The following OR5P2 variants were observed in gnomAD, a reference collection of about 807,000 sequenced individuals.
OR5P2 encodes olfactory receptor family 5 subfamily P member 2, also known as olfactory receptor 5P2.
For synonymous variants in OR5P2, 165 were observed against 145.6 expected, an observed-to-expected ratio of 1.13 and a Z score of -0.96; for missense variants, 455 against 382.3, an observed-to-expected ratio of 1.19 and a Z score of -1.59.
rs530518206 is a variant in OR5P2 at position 7,796,069 on chromosome 11, C to T, written c.874G>A (p.Glu292Lys). 277 of 1,605,210 alleles carry T rather than the reference C, an allele frequency of 1.7e-4. 17 individuals carry two copies. In the South Asian group the frequency reaches 2.9e-3, roughly 17 times the overall value. The change falls in exon 1 of 1, where the codon GAG becomes AAG. Residue 292 changes from glutamate to lysine, a missense_variant. Transcript: ENST00000329434. The stretch of plus-strand genomic sequence containing the variant: ...TCTCTCTTCAGAGCCCCCTTAATCT[C>T]CTTGTTCCTGAGGCTGTAGATCAGG... ...NPLIYSLRNKEIKGALKRELV... is the reference protein window; with the variant it reads ...NPLIYSLRNKKIKGALKRELV...
In OR5P2 at chr11:7,796,385, A is replaced by G. The variant is rs761121180; in HGVS notation, c.558T>C (p.Ser186=). ...GAACAACTGTGGAGACACTGATATC[A>G]GAACAGGAGAGTTCAAGTAAGGGAG... The part of the protein sequence containing the change: ...DFAPLLELSC[S]DISVSTVVLS... Residue 186 remains serine, a synonymous_variant, in exon 1 of 1, where the codon TCT becomes TCC. Transcript: ENST00000329434. The G allele has an allele frequency of 6.2e-7, 1 of 1,604,874 alleles. No individual in the cohort carries two copies.
rs1463497364 is a variant in OR5P2, at chr11:7,796,595, A to G, written c.348T>C (p.Tyr116=). The G allele has an allele frequency of 6.2e-7, 1 of 1,605,588 alleles. No homozygotes were observed. Among genetic ancestry groups the G allele is most frequent in the Admixed American group, 1.7e-5 (1 of 59,808 alleles). Residue 116 remains tyrosine, a synonymous_variant, in exon 1 of 1, where the codon TAT becomes TAC. Transcript: ENST00000329434. The part of the protein sequence containing the change: ...VECVLLAAMA[Y]DRFVAICSPL... ...GACTGCAAATTGCCACAAAGCGGTC[A>G]TAGGCCATGGCAGCCAGAAGGACGC...
In OR5P2 at chr11:7,796,552, T is replaced by C. The variant is rs762168210; in HGVS notation, c.391A>G (p.Lys131Glu). The change falls in exon 1 of 1, where the codon AAA becomes GAA. Residue 131 changes from lysine to glutamate, a missense_variant. Coordinates refer to ENST00000329434, the MANE Select transcript of OR5P2 (RefSeq NM_153444.1). ...TGGACACTGACTTGTGTGGACATTT[T>C]GGTTGAATAAAGCAGTGGACTGCAA... ...AICSPLLYST[K>E]MSTQVSVQLL... 16 of 1,605,654 alleles carry C rather than the reference T, an allele frequency of 1.0e-5. 1 individual carries two copies. The East Asian group carries it at 2.5e-4, about 25-fold the overall frequency.
chr11:7,796,855 G>A lies in OR5P2; in HGVS notation c.88C>T (p.Leu30Phe). The A allele has an allele frequency of 1.8e-6, 2 of 1,096,556 alleles. No individual in the cohort carries two copies. Among genetic ancestry groups the A allele is most frequent in the Non-Finnish European group, 2.6e-6 (2 of 783,724 alleles). The allele number at this position is 1,096,556 out of a possible 1,614,324, so 67.9% of individuals were successfully genotyped here. A position where few individuals can be genotyped will look rare whatever the true frequency, so the allele number is the denominator to read the frequency against. ...TTACCAGATAGGATGATCATGAAGA[G>A]GATGACTCGAAGGATTGGATCATCT... Reference protein sequence around the residue: ...LTDDPILRVILFMIILSGNLS... With the variant: ...LTDDPILRVIFFMIILSGNLS... The change falls in exon 1 of 1, where the codon CTC (leucine) becomes TTC (phenylalanine). Residue 30 changes from leucine to phenylalanine, a missense_variant. Transcript: ENST00000329434.
At position 7,796,438 on chromosome 11, in the gene OR5P2, G is replaced by C. The variant is rs772348115; in HGVS notation, c.505C>G (p.Gln169Glu). The change falls in exon 1 of 1, where the codon CAA becomes GAA. Residue 169 changes from glutamine to glutamate, a missense_variant. Transcript: ENST00000329434. ...FYFLLFCGPN[Q>E]VNHFFCDFAP... ...AAATCACAGAAAAAATGATTGACTT[G>C]ATTTGGTCCACAGAAGAGTAAAAAA... The C allele has an allele frequency of 6.2e-7, 1 of 1,604,960 alleles. No individual in the cohort carries two copies. Among genetic ancestry groups the C allele is most frequent in the South Asian group, 1.1e-5 (1 of 90,352 alleles).
rs1444934904 is a variant in OR5P2 at position 7,796,135 on chromosome 11, C to T, written c.808G>A (p.Val270Met). 1.2e-6 allele frequency: 2 copies of T among 1,605,406 alleles called. No individual in the cohort carries two copies. Among genetic ancestry groups the T allele is most frequent in the Non-Finnish European group, 1.7e-6 (2 of 1,178,696 alleles). The change falls in exon 1 of 1, where the codon GTG becomes ATG. Residue 270 changes from valine (V) to methionine (M), a missense_variant. Transcript: ENST00000329434. Reference protein sequence around the residue: ...FSYSTDQNKVVSVLYTVVIPM... With the variant: ...FSYSTDQNKVMSVLYTVVIPM... ...ATCACCACTGTGTACAACACAGACA[C>T]CACCTTGTTCTGGTCAGTTGAGTAG...
At position 7,796,800 on chromosome 11, in the gene OR5P2, G is replaced by A. The variant is rs1589916985; in HGVS notation, c.143C>T (p.Ser48Phe). 6.3e-7 allele frequency: 1 copy of A among 1,590,296 alleles called. No homozygotes were observed. The highest frequency in any genetic ancestry group is 8.5e-7 in the Non-Finnish European group (1 of 1,170,876). ...NLSIIILIRISSQLHHPMYFF... is the reference protein window; with the variant it reads ...NLSIIILIRIFSQLHHPMYFF... ...ATACATAGGATGATGGAGCTGAGAA[G>A]AAATTCTGATAAGAATAATTATGCT... Residue 48 changes from serine (S) to phenylalanine (F), a missense_variant, in exon 1 of 1, where the codon TCT (serine) becomes TTT (phenylalanine). Physicochemically the swap from Ser to Phe is radical, Grantham distance 155. Transcript: ENST00000329434.
rs1302927076 is a variant in OR5P2, at chr11:7,796,152, G to A, written c.791C>T (p.Thr264Ile). 2 of 1,605,312 alleles carry A rather than the reference G, an allele frequency of 1.2e-6. No homozygotes were observed. Among genetic ancestry groups the A allele is most frequent in the Non-Finnish European group, 1.7e-6 (2 of 1,178,680 alleles). ...IYVMPNFSYS[T>I]DQNKVVSVLY... ...CACAGACACCACCTTGTTCTGGTCA[G>A]TTGAGTAGCTAAAATTGGGCATCAC... Residue 264 changes from threonine to isoleucine, a missense_variant, in exon 1 of 1, where the codon ACT (threonine) becomes ATT (isoleucine). Transcript: ENST00000329434.
At position 7,796,448 on chromosome 11, in the gene OR5P2, A is replaced by G. The variant is rs747884202; in HGVS notation, c.495T>C (p.Cys165=). The change falls in exon 1 of 1, where the codon TGT becomes TGC. Residue 165 remains cysteine, a synonymous_variant. Coordinates refer to ENST00000329434, the MANE Select transcript of OR5P2 (RefSeq NM_153444.1). The stretch of plus-strand genomic sequence containing the variant: ...AAAAATGATTGACTTGATTTGGTCC[A>G]CAGAAGAGTAAAAAATAGAAGGAAG... ...YTTSFYFLLF[C]GPNQVNHFFC... 3 of 1,605,270 alleles carry G rather than the reference A, an allele frequency of 1.9e-6. No homozygotes were observed. The highest frequency in any genetic ancestry group is 2.5e-6 in the Non-Finnish European group (3 of 1,178,612).
rs1857352551 is a variant in OR5P2 at position 7,796,362 on chromosome 11, A to G, written c.581T>C (p.Val194Ala). The G allele has an allele frequency of 6.2e-7, 1 of 1,605,002 alleles. No homozygotes were observed. The highest frequency in any genetic ancestry group is 8.5e-7 in the Non-Finnish European group (1 of 1,178,552). The change falls in exon 1 of 1, where the codon GTT becomes GCT. Residue 194 changes from valine to alanine, a missense_variant. Val to Ala is a moderately conservative substitution (Grantham distance 64). Transcript: ENST00000329434. ...GATGGATCCAGAAGAAAATGAGAGA[A>G]CAACTGTGGAGACACTGATATCAGA... ...SCSDISVSTV[V>A]LSFSSGSIIV...
In OR5P2 at chr11:7,796,326, G is replaced by A. The variant is rs1424235174; in HGVS notation, c.617C>T (p.Thr206Ile). The stretch of plus-strand genomic sequence containing the variant: ...GTAGCAGACGGCTATGACACACACA[G>A]TGACCACAATGATGGATCCAGAAGA... ...SFSSGSIIVV[T>I]VCVIAVCYIY... The change falls in exon 1 of 1, where the codon ACT becomes ATT. Residue 206 changes from threonine to isoleucine, a missense_variant. Physicochemically the swap from Thr to Ile is moderately conservative, Grantham distance 89. Coordinates refer to ENST00000329434, the MANE Select transcript of OR5P2 (RefSeq NM_153444.1). 1 of 1,605,252 alleles carries A rather than the reference G, an allele frequency of 6.2e-7. No homozygotes were observed. The highest frequency in any genetic ancestry group is 1.1e-5 in the South Asian group (1 of 90,364).
Position 7,796,222 on chromosome 11 carries a change from G to T in OR5P2, c.721C>A (p.Leu241Ile). Residue 241 changes from leucine (L) to isoleucine (I), a missense_variant, in exon 1 of 1, where the codon CTC becomes ATC. Coordinates refer to ENST00000329434, the MANE Select transcript of OR5P2 (RefSeq NM_153444.1). Reference sequence around the variant, plus strand: ...CCATAGAACAGGGTAACCACAGTGAGGTGGGAAGTGCAGGTGGAGAAGGCC... The same window carrying T: ...CCATAGAACAGGGTAACCACAGTGATGTGGGAAGTGCAGGTGGAGAAGGCC... ...HKAFSTCTSHLTVVTLFYGTI... is the reference protein window; with the variant it reads ...HKAFSTCTSHITVVTLFYGTI... 6.2e-7 allele frequency: 1 copy of T among 1,605,118 alleles called. No homozygotes were observed. The highest frequency in any genetic ancestry group is 8.5e-7 in the Non-Finnish European group (1 of 1,178,746).
In OR5P2 at chr11:7,796,441, T is replaced by C. The variant is rs142814499; in HGVS notation, c.502A>G (p.Asn168Asp). Reference protein sequence around the residue: ...SFYFLLFCGPNQVNHFFCDFA... With the variant: ...SFYFLLFCGPDQVNHFFCDFA... ...TCACAGAAAAAATGATTGACTTGAT[T>C]TGGTCCACAGAAGAGTAAAAAATAG... The change falls in exon 1 of 1, where the codon AAT (asparagine) becomes GAT (aspartate). Residue 168 changes from asparagine (N) to aspartate (D), a missense_variant. By Grantham distance (23) the Asn-to-Asp change is conservative. Transcript: ENST00000329434. The C allele has an allele frequency of 5.1e-4, 825 of 1,604,754 alleles. 69 individuals are homozygous for C. In the South Asian group the frequency reaches 8.5e-3, roughly 16 times the overall value.
In OR5P2 at chr11:7,796,094, G is replaced by T; in HGVS notation, c.849C>A (p.Pro283=). ...LYTVVIPMLN[P]LIYSLRNKEI... ...CCTTGTTCCTGAGGCTGTAGATCAG[G>T]GGGTTCAACATGGGAATCACCACTG... is the stretch of plus-strand genomic sequence containing the variant. The change falls in exon 1 of 1, where the codon CCC becomes CCA. Residue 283 remains proline (P), a synonymous_variant. Transcript: ENST00000329434. 1 of 1,605,370 alleles carries T rather than the reference G, an allele frequency of 6.2e-7. No individual in the cohort carries two copies. The highest frequency in any genetic ancestry group is 2.3e-5 in the East Asian group (1 of 44,354).
rs142814499 is a variant in OR5P2, at chr11:7,796,441, T to G, written c.502A>C (p.Asn168His). The G allele has an allele frequency of 1.9e-6, 3 of 1,604,650 alleles. No individual in the cohort carries two copies. The highest frequency in any genetic ancestry group is 2.5e-6 in the Non-Finnish European group (3 of 1,178,522). ...SFYFLLFCGPNQVNHFFCDFA... is the reference protein window; with the variant it reads ...SFYFLLFCGPHQVNHFFCDFA... Reference sequence around the variant, plus strand: ...TCACAGAAAAAATGATTGACTTGATTTGGTCCACAGAAGAGTAAAAAATAG... The same window carrying G: ...TCACAGAAAAAATGATTGACTTGATGTGGTCCACAGAAGAGTAAAAAATAG... The change falls in exon 1 of 1, where the codon AAT becomes CAT. Residue 168 changes from asparagine (N) to histidine (H), a missense_variant. Physicochemically the swap from Asn to His is moderately conservative, Grantham distance 68. Coordinates refer to ENST00000329434, the MANE Select transcript of OR5P2 (RefSeq NM_153444.1).
rs946592159 is a variant in OR5P2 at position 7,796,200 on chromosome 11, T to A, written c.743A>T (p.Tyr248Phe). 6.2e-7 allele frequency: 1 copy of A among 1,604,858 alleles called. No homozygotes were observed. Among genetic ancestry groups the A allele is most frequent in the Admixed American group, 1.7e-5 (1 of 59,770 alleles). Residue 248 changes from tyrosine to phenylalanine, a missense_variant, in exon 1 of 1, where the codon TAT (tyrosine) becomes TTT (phenylalanine). By Grantham distance (22) the Tyr-to-Phe change is conservative (BLOSUM62 3). Transcript: ENST00000329434. Reference protein sequence around the residue: ...TSHLTVVTLFYGTITFIYVMP... With the variant: ...TSHLTVVTLFFGTITFIYVMP... Reference sequence around the variant, plus strand: ...CACATAAATGAAGGTAATGGTCCCATAGAACAGGGTAACCACAGTGAGGTG... The same window carrying A: ...CACATAAATGAAGGTAATGGTCCCAAAGAACAGGGTAACCACAGTGAGGTG...
chr11:7,796,642 C>T lies in OR5P2; in HGVS notation c.301G>A (p.Ala101Thr), dbSNP rs776608807. ...LGCAIQLGSA[A>T]FFATVECVLL... The stretch of plus-strand genomic sequence containing the variant: ...ACGCATTCGACTGTTGCAAAGAAAG[C>T]CGCTGAACCAAGCTGGATGGCACAT... The change falls in exon 1 of 1, where the codon GCT (alanine) becomes ACT (threonine). Residue 101 changes from alanine to threonine, a missense_variant. By Grantham distance (58) the Ala-to-Thr change is moderately conservative. Coordinates refer to ENST00000329434, the MANE Select transcript of OR5P2 (RefSeq NM_153444.1). 1 of 1,605,222 alleles carries T rather than the reference C, an allele frequency of 6.2e-7. No individual in the cohort carries two copies. Among genetic ancestry groups the T allele is most frequent in the Non-Finnish European group, 8.5e-7 (1 of 1,178,596 alleles).
rs1343113991 is a variant in OR5P2 at position 7,796,683 on chromosome 11, G to C, written c.260C>G (p.Thr87Arg). The change falls in exon 1 of 1, where the codon ACA (threonine) becomes AGA (arginine). Residue 87 changes from threonine to arginine, a missense_variant. Transcript: ENST00000329434. ...MLVNFLVERN[T>R]VSYLGCAIQL... ...GATGGCACATCCAAGGTAGGAGACT[G>C]TATTTCTCTCCACCAGGAAGTTTAC... 6.2e-7 allele frequency: 1 copy of C among 1,605,592 alleles called. No homozygotes were observed. Among genetic ancestry groups the C allele is most frequent in the Non-Finnish European group, 8.5e-7 (1 of 1,178,732 alleles).
At position 7,796,755 on chromosome 11, in the gene OR5P2, G is replaced by A. The variant is rs1214847293; in HGVS notation, c.188C>T (p.Ala63Val). The change falls in exon 1 of 1, where the codon GCT becomes GTT. Residue 63 changes from alanine (A) to valine (V), a missense_variant. Ala to Val is a moderately conservative substitution (Grantham distance 64). Coordinates refer to ENST00000329434, the MANE Select transcript of OR5P2 (RefSeq NM_153444.1). The stretch of plus-strand genomic sequence containing the variant: ...AGATGAATAGGCCATGTCAGCAAAA[G>A]CCAAGTGGCTCAGAAAGAAATACAT... Reference protein sequence around the residue: ...HPMYFFLSHLAFADMAYSSSV... With the variant: ...HPMYFFLSHLVFADMAYSSSV... 2 of 1,604,170 alleles carry A rather than the reference G, an allele frequency of 1.2e-6. No homozygotes were observed. The highest frequency in any genetic ancestry group is 3.3e-5 in the Admixed American group (2 of 59,766).
Sources: gnomAD v4.1 joint callset for allele counts on GRCh38, gnomAD v4.1.1 for gene constraint, MANE v1.5 for transcripts, NCBI Gene and HGNC (gene_info 2026-07-23, HGNC 2026-07-21) for gene names.